Variants in GLI3 observed in about 807,000 individuals in gnomAD.
The protein encoded by GLI3 is GLI family zinc finger 3.
Under a neutral mutation model 100.8 loss-of-function variants are expected in GLI3, and 20 were observed. That is an observed-to-expected ratio of 0.20 (90% CI 0.14 to 0.29). GLI3 has a LOEUF of 0.29. Among genes scored for constraint, GLI3 ranks in the 10% least tolerant of loss-of-function variants. The pLI is 1.00. For synonymous variants in GLI3, 938 were observed against 860.5 expected (o/e 1.09, Z -1.58); for missense variants, 2,040 against 2,128.5 (o/e 0.96, Z 0.82).
chr7:42,167,101 G>A (rs775070109), intron 2 of GLI3, among the ~76,000 whole-genome samples: 1 of 152,078 alleles, frequency 6.6e-6, no homozygotes, highest in African/African-American at 2.4e-5. Context: ...TGCTGGGATT[G>A]CAGACATGAG....
chr7:42,090,877 G>A (rs531531430), intron 3 of GLI3, among the ~76,000 whole-genome samples: 1 of 152,330 alleles, frequency 6.6e-6, no homozygotes, highest in South Asian at 2.1e-4. Flanking sequence ...TAAGGAAGTA[G>A]GTATTCATAT....
chr7:42,107,523 G>C (rs556941900), intron 3 of GLI3, among the ~76,000 whole-genome samples: 1 of 152,212 alleles, frequency 6.6e-6, no homozygotes, highest in African/African-American at 2.4e-5. Flanking sequence ...AGGGGACAGC[G>C]AGAGTTCTGC....
intron 10 of GLI3, among the ~76,000 whole-genome samples, chr7:41,990,452 C>T (rs1050239190): frequency 2.6e-5 from 4 of 152,154 alleles, no homozygotes; most frequent in Non-Finnish European, 5.9e-5. Context: ...TGGGTGGTCT[C>T]TGTCTTCAAT....
intron 2 of GLI3, among the ~76,000 whole-genome samples, chr7:42,199,981 G>A (rs1054396963): frequency 2.6e-5 from 4 of 152,134 alleles, no homozygotes; most frequent in South Asian, 2.1e-4. Context: ...GCTTGAATCC[G>A]GGAGGCGGAG....
At chr7:42,191,593 G>A (rs534712937) in intron 2 of GLI3, among the ~76,000 whole-genome samples, 50 of 151,432 alleles carry the variant, frequency 3.3e-4, no homozygotes, top group Non-Finnish European at 6.0e-4. Context: ...CAGACGTTGC[G>A]GTGCCGAGAT....
intron 4 of GLI3, among the ~76,000 whole-genome samples, chr7:42,066,981 A>G (rs1225001180): frequency 6.6e-6 from 1 of 152,214 alleles, no homozygotes; most frequent in African/African-American, 2.4e-5. Context: ...CAAGGAACAC[A>G]GACAGAAGTG....
intron 4 of GLI3, among the ~76,000 whole-genome samples, chr7:42,055,454 G>A (rs699494): frequency 0.29 from 43,389 of 151,810 alleles, 6,434 homozygotes; most frequent in African/African-American, 0.39. Flanking sequence ...ATGGCAGGAA[G>A]GGAAAACAAG....
chr7:41,987,095 GACACAGACACAC>G (rs998113827), intron 10 of GLI3, among the ~76,000 whole-genome samples: 4 of 73,254 alleles, frequency 5.5e-5, no homozygotes, highest in African/African-American at 2.1e-4. Context: ...CACAGACACA[GACACAGACACAC>G]ACACACACAC....
At chr7:42,008,891 G>GT (rs1040438520) in intron 10 of GLI3, among the ~76,000 whole-genome samples, 1 of 152,172 alleles carries the variant, frequency 6.6e-6, no homozygotes, top group African/African-American at 2.4e-5. Context: ...GCTATTTCAT[G>GT]TTTTTTATTT....
intron 2 of GLI3, among the ~76,000 whole-genome samples, chr7:42,187,878 C>T (rs1414879651): frequency 6.6e-6 from 1 of 151,780 alleles, no homozygotes; most frequent in East Asian, 1.9e-4. Context: ...TGACAGGCAC[C>T]TGTAATCCCA....
chr7:42,231,169 T>C lies in GLI3; in HGVS notation c.-43+5802A>G, dbSNP rs184040534. 1.8e-3 allele frequency among the ~76,000 whole-genome samples: 280 copies of C among 152,342 alleles called. 3 individuals carry two copies. Among genetic ancestry groups the C allele is most frequent in the Non-Finnish European group, 2.1e-3 (142 of 68,032 alleles). ...AGTAGAGTGTATGTTCCATGAATAG[T>C]AATTTACTTTTAAACCATCACAAAT... is the stretch of plus-strand genomic sequence containing the variant. On this transcript the variant is annotated intron_variant, in intron 1 of 14. Transcript: ENST00000395925.
chr7:42,182,660 A>ATATATATACATGTGTGTGTG (rs1554337054), intron 2 of GLI3, among the ~76,000 whole-genome samples: 2 of 59,138 alleles, frequency 3.4e-5, no homozygotes, highest in Admixed American at 1.5e-4. Flanking sequence ...ATATATATAT[A>ATATATATACATGTGTGTGTG]TATATATATA....
intron 10 of GLI3, among the ~76,000 whole-genome samples, chr7:42,005,458 T>TACACAC (rs3030321): frequency 0.17 from 24,315 of 143,484 alleles, 4,007 homozygotes; most frequent in African/African-American, 0.44. Context: ...TGAATTCACA[T>TACACAC]ACACACACAC....
At chr7:42,096,958 C>A (rs573701991) in intron 3 of GLI3, among the ~76,000 whole-genome samples, 2 of 152,212 alleles carry the variant, frequency 1.3e-5, no homozygotes, top group Non-Finnish European at 2.9e-5. Context: ...GGTTGCTCTG[C>A]GGCCAGCCTA....
intron 3 of GLI3, among the ~76,000 whole-genome samples, chr7:42,080,959 G>A (rs780203685): frequency 2.6e-5 from 4 of 152,162 alleles, no homozygotes; most frequent in Admixed American, 1.3e-4. Context: ...TAACTCAAGC[G>A]TATATGTAAT....
At chr7:42,185,435 T>A (rs968997233) in intron 2 of GLI3, among the ~76,000 whole-genome samples, 5 of 152,180 alleles carry the variant, frequency 3.3e-5, no homozygotes, top group Non-Finnish European at 7.4e-5. Context: ...CATGCTGAGA[T>A]GCTTTCAAGT....
Position 42,132,374 on chromosome 7 carries a change from A to G in GLI3, c.367+15852T>C, listed in dbSNP as rs552865543. Among the ~76,000 whole-genome samples, 12 of 152,292 alleles carry G rather than the reference A, an allele frequency of 7.9e-5. No homozygotes were observed. In the South Asian group the frequency reaches 1.0e-3, roughly 13 times the overall value. ...CTTGACCTCCCAAAGTGCTGGGATT[A>G]CAGGCGTGAGCCACCGCGCCCGGCC... is the stretch of plus-strand genomic sequence containing the variant. On this transcript the variant is annotated intron_variant, in intron 3 of 14. Coordinates refer to ENST00000395925, the MANE Select transcript of GLI3 (RefSeq NM_000168.6).
intron 3 of GLI3, among the ~76,000 whole-genome samples, chr7:42,108,291 C>G (rs1270822464): frequency 6.6e-6 from 1 of 152,226 alleles, no homozygotes; most frequent in Non-Finnish European, 1.5e-5. Flanking sequence ...TGTGTCTAGA[C>G]TTAACTTTGT....
At chr7:42,247,143 G>A (rs1173651096) in intron 1 of GLI3, among the ~76,000 whole-genome samples, 1 of 152,070 alleles carries the variant, frequency 6.6e-6, no homozygotes, top group Non-Finnish European at 1.5e-5. Flanking sequence ...GAACCTGGGA[G>A]GTGGTGGTTC....
Sources: allele counts gnomAD v4.1 joint callset (sites outside exome capture counted in the v4.1 genomes callset), GRCh38; gene constraint gnomAD v4.1.1; transcripts MANE v1.5; gene names NCBI Gene and HGNC (gene_info 2026-07-23, HGNC 2026-07-21).